The following ADAMTSL1 variants were observed in gnomAD, a reference collection of about 807,000 sequenced individuals.
ADAMTSL1 encodes ADAMTS-like protein 1.
Under a neutral mutation model 201.8 loss-of-function variants are expected in ADAMTSL1, and 126 were observed. The observed-to-expected ratio is 0.62, with a 90% CI of 0.54 to 0.72. The LOEUF is 0.72. ADAMTSL1 is among the 30% of genes least tolerant of loss of function. ADAMTSL1 has a pLI of 0.00. For synonymous variants in ADAMTSL1, 1,121 were observed against 903.4 expected, an observed-to-expected ratio of 1.24 and a Z score of -4.32; for missense variants, 2,679 against 2,277.8, an observed-to-expected ratio of 1.18 and a Z score of -3.59.
At chr9:18,699,729 T>C (rs1418178127) in intron 13 of ADAMTSL1, among the ~76,000 whole-genome samples, 1 of 152,248 alleles carries the variant, frequency 6.6e-6, no homozygotes, top group Non-Finnish European at 1.5e-5. Flanking sequence ...AGTAGTTGTA[T>C]TGGTGGCTGC....
intron 2 of ADAMTSL1, among the ~76,000 whole-genome samples, chr9:18,462,720 C>T (rs1179159015): frequency 2.0e-5 from 3 of 152,012 alleles, no homozygotes; most frequent in Non-Finnish European, 4.4e-5. Context: ...GGGTGGATTA[C>T]CTGAGGTCAG....
intron 1 of ADAMTSL1, among the ~76,000 whole-genome samples, chr9:18,041,799 C>A (rs1206194115): frequency 6.6e-6 from 1 of 151,996 alleles, no homozygotes; most frequent in African/African-American, 2.4e-5. Context: ...TATCCCAAAT[C>A]AGCTGAGGAT....
intron 1 of ADAMTSL1, among the ~76,000 whole-genome samples, chr9:18,110,909 A>T: frequency 6.6e-6 from 1 of 152,166 alleles, no homozygotes; most frequent in Non-Finnish European, 1.5e-5. Flanking sequence ...GAACATTATT[A>T]GTTTTTGATC....
At chr9:18,226,139 G>C (rs1329808582) in intron 2 of ADAMTSL1, among the ~76,000 whole-genome samples, 1 of 152,126 alleles carries the variant, frequency 6.6e-6, no homozygotes, top group East Asian at 1.9e-4. Context: ...AGACAAAGAT[G>C]CCATTTTTTG....
intron 2 of ADAMTSL1, among the ~76,000 whole-genome samples, chr9:18,456,396 C>G (rs1377154889): frequency 6.6e-6 from 1 of 152,146 alleles, no homozygotes; most frequent in Non-Finnish European, 1.5e-5. Context: ...CTCAGTGGTA[C>G]TCTTGATTGC....
At chr9:18,231,662 G>C (rs915621531) in intron 2 of ADAMTSL1, among the ~76,000 whole-genome samples, 1 of 152,144 alleles carries the variant, frequency 6.6e-6, no homozygotes, top group Non-Finnish European at 1.5e-5. Context: ...AGCTTCCCTG[G>C]TACCCAGACT....
At chr9:18,335,818 A>G (rs1563894844) in intron 2 of ADAMTSL1, among the ~76,000 whole-genome samples, 1 of 152,180 alleles carries the variant, frequency 6.6e-6, no homozygotes, top group Non-Finnish European at 1.5e-5. Context: ...TTAAACTTTC[A>G]TAGAATAACA....
chr9:18,173,413 A>T (rs984397749), intron 2 of ADAMTSL1, among the ~76,000 whole-genome samples: 6 of 152,268 alleles, frequency 3.9e-5, no homozygotes, highest in East Asian at 1.9e-4. Flanking sequence ...TAATGTCAGG[A>T]TGATGAATCT....
intron 26 of ADAMTSL1, among the ~76,000 whole-genome samples, chr9:18,903,832 C>A (rs1399198934): frequency 6.6e-6 from 1 of 151,078 alleles, no homozygotes; most frequent in Non-Finnish European, 1.5e-5. Context: ...ATGGGTTTCA[C>A]ATCCCAAGAC....
chr9:18,175,895 C>T (rs554549385), intron 2 of ADAMTSL1, among the ~76,000 whole-genome samples: 1 of 149,668 alleles, frequency 6.7e-6, no homozygotes, highest in Non-Finnish European at 1.5e-5. Context: ...GGCTCTTAAT[C>T]TTCAGAGATG....
chr9:18,270,062 C>A (rs1250553700), intron 2 of ADAMTSL1, among the ~76,000 whole-genome samples: 1 of 152,034 alleles, frequency 6.6e-6, no homozygotes, highest in African/African-American at 2.4e-5. Context: ...GCTGCTATAA[C>A]AAAATACCAT....
At chr9:18,122,562 A>G (rs7852679) in intron 1 of ADAMTSL1, among the ~76,000 whole-genome samples, 5,452 of 152,304 alleles carry the variant, frequency 0.036, 162 homozygotes, top group East Asian at 0.094. Context: ...TATGCTAAGC[A>G]TAAATGGCCT....
intron 2 of ADAMTSL1, among the ~76,000 whole-genome samples, chr9:18,250,096 T>A (rs1239123854): frequency 6.6e-6 from 1 of 152,264 alleles, no homozygotes; most frequent in African/African-American, 2.4e-5. Context: ...GTAGTTTACA[T>A]GAATTAAAGT....
chr9:18,328,850 A>G (rs1249083592), intron 2 of ADAMTSL1, among the ~76,000 whole-genome samples: 3 of 152,216 alleles, frequency 2.0e-5, no homozygotes, highest in Non-Finnish European at 4.4e-5. Flanking sequence ...GATGGTCCCC[A>G]GAAATGACAG....
chr9:18,909,103 G>A lies in ADAMTSL1; in HGVS notation c.*555G>A, dbSNP rs1010465107. The A allele has an allele frequency of 6.5e-6, 1 of 154,626 alleles. No homozygotes were observed. The highest frequency in any genetic ancestry group is 2.4e-5 in the African/African-American group (1 of 41,452). The allele number at this position is 154,626 out of a possible 1,614,324, so 9.6% of individuals were successfully genotyped here. On this transcript the variant is annotated 3_prime_UTR_variant, in exon 29 of 29. Transcript: ENST00000380548. ...CAGAACTCACTCAGTTCTTCTAGTG[G>A]GTGAGTGCAGAGAGAGAAGAACTCA...
At chr9:17,980,085 C>T (rs1365933472) in intron 1 of ADAMTSL1, among the ~76,000 whole-genome samples, 2 of 152,152 alleles carry the variant, frequency 1.3e-5, no homozygotes, top group African/African-American at 4.8e-5. Flanking sequence ...TCTCTTTGTA[C>T]TGTACTGCGT....
Position 18,582,863 on chromosome 9 carries a change from T to TAAATA in ADAMTSL1, c.474+8621_474+8625dup, listed in dbSNP as rs1554709597. The stretch of plus-strand genomic sequence containing the variant: ...GACTCCATCTCAAAATAAAATAAAA[T>TAAATA]AAATAAAATAAAATAAAATAAAATA... On this transcript the variant is annotated intron_variant, in intron 4 of 28. Transcript: ENST00000380548. 6.3e-3 allele frequency among the ~76,000 whole-genome samples: 936 copies of TAAATA among 147,814 alleles called. 6 individuals are homozygous for TAAATA. The highest frequency in any genetic ancestry group is 0.021 in the African/African-American group (841 of 39,968).
chr9:18,651,783 G>C (rs1335064561), intron 7 of ADAMTSL1, among the ~76,000 whole-genome samples: 1 of 152,064 alleles, frequency 6.6e-6, no homozygotes, highest in East Asian at 1.9e-4. Context: ...GTTCTAGATA[G>C]CCTTGAACAT....
chr9:18,893,946 T>C (rs1406329960), intron 26 of ADAMTSL1, among the ~76,000 whole-genome samples: 1 of 152,210 alleles, frequency 6.6e-6, no homozygotes, highest in Non-Finnish European at 1.5e-5. Flanking sequence ...TAATCCAACA[T>C]ACATTTATGG....
Sources: gnomAD v4.1 joint callset for allele counts (sites outside exome capture counted in the v4.1 genomes callset) on GRCh38, gnomAD v4.1.1 for gene constraint, MANE v1.5 for transcripts, NCBI Gene and HGNC (gene_info 2026-07-23, HGNC 2026-07-21) for gene names.